Variants in LOC400499 observed in about 807,000 individuals in gnomAD.
the LOC400499 span, chr16:11,448,801 G>A: frequency 4.0e-6 from 3 of 741,528 alleles, no homozygotes; most frequent in East Asian, 8.8e-5. Flanking sequence ...GGAGGCCCAA[G>A]GTCACAGGCC....
the LOC400499 span, among the ~76,000 whole-genome samples, chr16:11,476,408 C>G: frequency 8.6e-5 from 13 of 152,018 alleles, no homozygotes; most frequent in Non-Finnish European, 1.6e-4. Flanking sequence ...CAGCTGCCCA[C>G]GGTCCCTGTC....
chr16:11,507,658 G>A, the LOC400499 span, among the ~76,000 whole-genome samples: 5 of 152,234 alleles, frequency 3.3e-5, no homozygotes, highest in Non-Finnish European at 7.3e-5. Context: ...CTGGCAGGGC[G>A]CAGTGGCTCA....
the LOC400499 span, among the ~76,000 whole-genome samples, chr16:11,381,373 G>A: frequency 2.6e-5 from 4 of 152,002 alleles, no homozygotes; most frequent in African/African-American, 9.7e-5. Context: ...AGTGCTGGGA[G>A]TACAAGTGTG....
chr16:11,507,932 TA>T, the LOC400499 span, among the ~76,000 whole-genome samples: 16 of 149,380 alleles, frequency 1.1e-4, no homozygotes, highest in Non-Finnish European at 1.8e-4. Flanking sequence ...AGACCCTGTC[TA>T]AAAAAAAAAT....
the LOC400499 span, chr16:11,469,305 G>C: frequency 2.5e-6 from 1 of 399,178 alleles, no homozygotes; most frequent in East Asian, 3.6e-5. Context: ...ATCTGGATCT[G>C]GCCCCTCCGT....
the LOC400499 span, among the ~76,000 whole-genome samples, chr16:11,527,016 G>A: frequency 8.5e-5 from 13 of 152,220 alleles, no homozygotes; most frequent in Non-Finnish European, 1.6e-4. Flanking sequence ...AGGTCAACAG[G>A]CATCTGGCTA....
chr16:11,387,814 G>A, the LOC400499 span, among the ~76,000 whole-genome samples: 1 of 151,998 alleles, frequency 6.6e-6, no homozygotes, highest in African/African-American at 2.4e-5. Context: ...AGTAGAGTTG[G>A]AGTTTCACCA....
the LOC400499 span, among the ~76,000 whole-genome samples, chr16:11,411,094 C>T: frequency 2.0e-5 from 3 of 152,324 alleles, no homozygotes; most frequent in Middle Eastern, 3.4e-3. Flanking sequence ...AAAGCTGGAG[C>T]CAGGGGTTTC....
chr16:11,523,856 C>T, the LOC400499 span, among the ~76,000 whole-genome samples: 1 of 151,610 alleles, frequency 6.6e-6, no homozygotes, highest in African/African-American at 2.4e-5. Context: ...CACTCCCATC[C>T]ATCCACCCAC....
At chr16:11,386,097 G>A in the LOC400499 span, among the ~76,000 whole-genome samples, 1 of 152,164 alleles carries the variant, frequency 6.6e-6, no homozygotes, top group African/African-American at 2.4e-5. Flanking sequence ...TGGCGGGGAT[G>A]GGGGGAAACA....
At chr16:11,425,222 T>C in the LOC400499 span, 269 of 398,986 alleles carry the variant, frequency 6.7e-4, 2 homozygotes, top group South Asian at 0.015. Flanking sequence ...CCAGGCTGGC[T>C]GCATGGGCCC....
At chr16:11,496,616 T>G in the LOC400499 span, among the ~76,000 whole-genome samples, 1 of 152,208 alleles carries the variant, frequency 6.6e-6, no homozygotes, top group African/African-American at 2.4e-5. Context: ...TGTCCCCATG[T>G]GGGCATCTCG....
the LOC400499 span, chr16:11,469,157 CT>C: frequency 2.5e-6 from 1 of 399,596 alleles, no homozygotes; most frequent in Non-Finnish European, 4.4e-6. Flanking sequence ...ACAGGTGGGC[CT>C]AGGGTGTGGA....
chr16:11,387,106 C>G, the LOC400499 span: 15 of 1,232,420 alleles, frequency 1.2e-5, no homozygotes, highest in Non-Finnish European at 1.5e-5. Context: ...CGGGGCAGGA[C>G]TCACATTCCC....
At chr16:11,466,230 A>T in the LOC400499 span, among the ~76,000 whole-genome samples, 1 of 152,012 alleles carries the variant, frequency 6.6e-6, no homozygotes, top group East Asian at 1.9e-4. Context: ...GGCTTTCAGG[A>T]GGGGTGGGAG....
the LOC400499 span, among the ~76,000 whole-genome samples, chr16:11,402,494 G>A: frequency 6.6e-6 from 1 of 152,190 alleles, no homozygotes. Context: ...CCGAGTGCCA[G>A]TTCTAAGCCC....
chr16:11,481,881 TA>T, the LOC400499 span, among the ~76,000 whole-genome samples: 33 of 149,998 alleles, frequency 2.2e-4, no homozygotes, highest in Admixed American at 8.6e-4. Context: ...GTTATCCACC[TA>T]CCTTGGCCTC....
the LOC400499 span, among the ~76,000 whole-genome samples, chr16:11,457,681 T>C: frequency 6.7e-6 from 1 of 148,594 alleles, no homozygotes; most frequent in South Asian, 2.1e-4. Flanking sequence ...TTGAAAGCAA[T>C]AGAAAGAATC....
the LOC400499 span, chr16:11,385,170 G>T: frequency 8.1e-7 from 1 of 1,231,120 alleles, no homozygotes; most frequent in Non-Finnish European, 1.0e-6. Flanking sequence ...GGTCTCCAGG[G>T]GAGGCTCAGT....
Sources: gnomAD v4.1 joint callset for allele counts (sites outside exome capture counted in the v4.1 genomes callset) on GRCh38, gnomAD v4.1.1 for gene constraint, MANE v1.5 for transcripts.